Variants in OSBPL10 observed in about 807,000 individuals in gnomAD.
OSBPL10 encodes oxysterol binding protein like 10.
Under a neutral mutation model 81.7 loss-of-function variants are expected in OSBPL10, and 49 were observed. The ratio of observed to expected loss-of-function variants is 0.60; its 90% confidence interval spans 0.48 to 0.76. OSBPL10 has a LOEUF of 0.76. Among genes scored for constraint, OSBPL10 ranks in the 30% least tolerant of loss-of-function variants. OSBPL10 has a pLI of 0.00. For missense variants in OSBPL10, 923 were observed against 987.8 expected, an observed-to-expected ratio of 0.93 and a Z score of 0.88; for synonymous variants, 419 against 383.6, an observed-to-expected ratio of 1.09 and a Z score of -1.08.
intron 4 of OSBPL10, among the ~76,000 whole-genome samples, chr3:31,815,031 G>A (rs1438000797): frequency 6.6e-6 from 1 of 151,504 alleles, no homozygotes; most frequent in Non-Finnish European, 1.5e-5. Context: ...AGCAACTTCT[G>A]CTCTCTATCC....
chr3:31,673,379 G>T (rs1700375014), intron 8 of OSBPL10, among the ~76,000 whole-genome samples: 1 of 152,212 alleles, frequency 6.6e-6, no homozygotes, highest in African/African-American at 2.4e-5. Flanking sequence ...GTCAAACACA[G>T]ATCAATACTT....
chr3:31,937,296 AAG>A lies in OSBPL10; in HGVS notation c.281+43601_281+43602del, dbSNP rs1235999089. Among the ~76,000 whole-genome samples the A allele has an allele frequency of 2.6e-5, 4 of 152,004 alleles. 1 individual carries two copies. Among genetic ancestry groups the A allele is most frequent in the African/African-American group, 2.4e-5 (1 of 41,378 alleles). On this transcript the variant is annotated intron_variant, in intron 1 of 11. Coordinates refer to ENST00000396556, the MANE Select transcript of OSBPL10 (RefSeq NM_017784.5). The stretch of plus-strand genomic sequence containing the variant: ...TCAGGCTCAAAAAAAAAAAAAAAGA[AAG>A]AAAGTCAGAGGAACATGAAACACTC...
intron 4 of OSBPL10, among the ~76,000 whole-genome samples, chr3:31,800,162 C>G (rs1699344960): frequency 6.6e-6 from 1 of 152,164 alleles, no homozygotes; most frequent in African/African-American, 2.4e-5. Flanking sequence ...ATGAAGTGGC[C>G]TAGTTGTTGT....
intron 3 of OSBPL10, among the ~76,000 whole-genome samples, chr3:31,876,196 G>C (rs1701464432): frequency 6.6e-6 from 1 of 152,106 alleles, no homozygotes; most frequent in Non-Finnish European, 1.5e-5. Context: ...GAATGCAAAA[G>C]TGTCTTTCCA....
At chr3:31,907,795 T>TA (rs1696454927) in intron 1 of OSBPL10, among the ~76,000 whole-genome samples, 2 of 152,138 alleles carry the variant, frequency 1.3e-5, no homozygotes, top group Non-Finnish European at 2.9e-5. Context: ...AAGACTCCTC[T>TA]AGATGTTGGG....
upstream of OSBPL10, among the ~76,000 whole-genome samples, chr3:31,982,616 G>A (rs931999674): frequency 6.6e-6 from 1 of 150,888 alleles, no homozygotes; most frequent in Non-Finnish European, 1.5e-5. Flanking sequence ...TTGTGCCCCT[G>A]AGTAAATTAC....
chr3:31,940,228 CA>C (rs1697496636), intron 1 of OSBPL10, among the ~76,000 whole-genome samples: 2 of 152,364 alleles, frequency 1.3e-5, no homozygotes, highest in African/African-American at 2.4e-5. Context: ...TACAATGGAA[CA>C]CTACTCAGCA....
At chr3:31,877,076 T>C (rs554263028) in intron 2 of OSBPL10, among the ~76,000 whole-genome samples, 2 of 152,200 alleles carry the variant, frequency 1.3e-5, no homozygotes, top group South Asian at 4.2e-4. Context: ...GCTATTTTTT[T>C]TGTATTTTTT....
intron 1 of OSBPL10, among the ~76,000 whole-genome samples, chr3:31,959,143 A>G (rs1321192397): frequency 1.3e-5 from 2 of 152,168 alleles, no homozygotes; most frequent in Admixed American, 6.5e-5. Context: ...ACAACTCTCA[A>G]TTAAAGAGTG....
chr3:32,042,800 A>G (rs1335309695), intron 2 of OSBPL10, among the ~76,000 whole-genome samples: 1 of 152,164 alleles, frequency 6.6e-6, no homozygotes, highest in East Asian at 1.9e-4. Context: ...TTCAAAGGGC[A>G]AAAAGGAGAA....
At chr3:31,728,034 T>C (rs1696863662) in intron 6 of OSBPL10, among the ~76,000 whole-genome samples, 1 of 152,226 alleles carries the variant, frequency 6.6e-6, no homozygotes, top group African/African-American at 2.4e-5. Context: ...CTCCTTCCCT[T>C]ATTCTTAAAA....
chr3:31,885,648 T>G (rs1695710711), intron 1 of OSBPL10, among the ~76,000 whole-genome samples: 1 of 151,924 alleles, frequency 6.6e-6, no homozygotes, highest in Non-Finnish European at 1.5e-5. Flanking sequence ...GGCCTAGGAT[T>G]TCACCAACAA....
intron 1 of OSBPL10, among the ~76,000 whole-genome samples, chr3:32,054,406 C>T (rs1245957081): frequency 1.3e-5 from 2 of 151,410 alleles, no homozygotes; most frequent in African/African-American, 4.9e-5. Flanking sequence ...GTATGTGTTC[C>T]AAAATTATTT....
intron 4 of OSBPL10, among the ~76,000 whole-genome samples, chr3:31,777,203 C>T (rs1698570179): frequency 6.6e-6 from 1 of 152,162 alleles, no homozygotes; most frequent in South Asian, 2.1e-4. Context: ...GATGACATGC[C>T]CCTGGCTCAT....
intron 3 of OSBPL10, among the ~76,000 whole-genome samples, chr3:31,876,222 G>C (rs966188442): frequency 1.3e-5 from 2 of 152,152 alleles, no homozygotes; most frequent in African/African-American, 4.8e-5. Flanking sequence ...GGTTCCCATA[G>C]TGTCTGCGTG....
intron 6 of OSBPL10, among the ~76,000 whole-genome samples, chr3:31,706,467 G>C (rs1303083001): frequency 1.3e-5 from 2 of 151,936 alleles, no homozygotes; most frequent in African/African-American, 2.4e-5. Flanking sequence ...CTTGGGCTGG[G>C]AATGGTCCAA....
At chr3:31,957,261 A>G (rs1156493189) in intron 1 of OSBPL10, among the ~76,000 whole-genome samples, 1 of 152,210 alleles carries the variant, frequency 6.6e-6, no homozygotes, top group Admixed American at 6.5e-5. Flanking sequence ...GTTCTTTCCA[A>G]AGAAATAACC....
At chr3:31,801,076 C>G (rs772392878) in intron 4 of OSBPL10, among the ~76,000 whole-genome samples, 20 of 152,096 alleles carry the variant, frequency 1.3e-4, no homozygotes, top group Non-Finnish European at 2.6e-4. Flanking sequence ...GACGGGGAGA[C>G]TTAGGATCCA....
rs78391285 is a variant in OSBPL10 at position 31,723,807 on chromosome 3, A to C, written c.1095+9450T>G. On this transcript the variant is annotated intron_variant, in intron 6 of 11. Transcript: ENST00000396556. ...TAACATTCTTTCTCCAAGATCATAA[A>C]TCTCTGAGCGTTGACTTTCCATCTT... Among the ~76,000 whole-genome samples the C allele has an allele frequency of 3.7e-3, 560 of 152,330 alleles. 3 individuals are homozygous for C. The highest frequency in any genetic ancestry group is 0.013 in the African/African-American group (533 of 41,572).
Sources: allele counts gnomAD v4.1 joint callset (sites outside exome capture counted in the v4.1 genomes callset), GRCh38; gene constraint gnomAD v4.1.1; transcripts MANE v1.5; gene names NCBI Gene and HGNC (gene_info 2026-07-23, HGNC 2026-07-21).